Variants in NCOA3 observed in about 807,000 individuals in gnomAD.
The protein encoded by NCOA3 is CBP-interacting protein.
Under a neutral mutation model 158.8 loss-of-function variants are expected in NCOA3, and 51 were observed. That is an observed-to-expected ratio of 0.32 (90% CI 0.26 to 0.41). The LOEUF (loss-of-function observed/expected upper bound fraction) is 0.41. Among genes scored for constraint, NCOA3 ranks in the 10% least tolerant of loss-of-function variants. NCOA3 has a pLI of 1.00. For missense variants in NCOA3, 1,510 were observed against 1,746.6 expected, an observed-to-expected ratio of 0.86 and a Z score of 2.41; for synonymous variants, 537 against 592.4, an observed-to-expected ratio of 0.91 and a Z score of 1.36.
intron 2 of NCOA3, among the ~76,000 whole-genome samples, chr20:47,601,111 GAT>G (rs2085854853): frequency 6.6e-6 from 1 of 152,206 alleles, no homozygotes; most frequent in Admixed American, 6.5e-5. Flanking sequence ...GGAAGTCTGA[GAT>G]CTGGTCAGCT....
rs1237199236 is a variant in NCOA3, at chr20:47,525,734, C to T, written c.-99+23715C>T. ...GGGGCTGACCCCCCCACCTCCATCC[C>T]GGAGGGGGCGGCTGGCCGGGCGGGG... On this transcript the variant is annotated intron_variant, in intron 1 of 22. Transcript: ENST00000371998. 4.9e-5 allele frequency among the ~76,000 whole-genome samples: 6 copies of T among 122,790 alleles called. No homozygotes were observed. In the South Asian group the frequency reaches 1.0e-3, roughly 21 times the overall value. 80.6% of individuals were successfully genotyped at this position (122,790 alleles called of 152,430 possible). A position where few individuals can be genotyped will look rare whatever the true frequency, so the allele number is the denominator to read the frequency against.
At chr20:47,608,297 C>A (rs1268113346) in intron 2 of NCOA3, among the ~76,000 whole-genome samples, 2 of 151,670 alleles carry the variant, frequency 1.3e-5, no homozygotes, top group Non-Finnish European at 2.9e-5. Flanking sequence ...GCCTGGGTGA[C>A]AAGAGCAAAA....
In NCOA3 at chr20:47,651,015, C is replaced by T. The variant is rs368683409; in HGVS notation, c.3685C>T (p.Arg1229Cys). 61 of 1,614,004 alleles carry T rather than the reference C, an allele frequency of 3.8e-5. No homozygotes were observed. The highest frequency in any genetic ancestry group is 6.7e-5 in the Admixed American group (4 of 59,994). ...GFLNAQMVAQ[R>C]SRELLSHHFR... is the part of the protein sequence containing the mutation. ...TCTTAATGCTCAAATGGTCGCCCAA[C>T]GCAGCAGAGAGCTGCTAAGTCATCA... is the stretch of plus-strand genomic sequence containing the variant. Residue 1229 changes from arginine to cysteine, a missense_variant, in exon 20 of 23, where the codon CGC (arginine) becomes TGC (cysteine). Around this residue, in one of 4 missense-constraint regions of NCOA3, gnomAD observed 1,017 missense variants for 1,098.3 expected, o/e 0.93. Coordinates refer to ENST00000371998, the MANE Select transcript of NCOA3 (RefSeq NM_181659.3).
chr20:47,643,602 C>T (rs1396429207), intron 17 of NCOA3, among the ~76,000 whole-genome samples: 1 of 152,180 alleles, frequency 6.6e-6, no homozygotes, highest in Admixed American at 6.5e-5. Context: ...ATAATTGTCA[C>T]TATTCCCCTG....
At position 47,653,710 on chromosome 20, in the gene NCOA3, G is replaced by C; in HGVS notation, c.*293G>C. Reference sequence around the variant, plus strand: ...AATTCTGGAGACATGGAGTGTTACTGATCATAAAACTTTTGTGTCACTTTT... The same window carrying C: ...AATTCTGGAGACATGGAGTGTTACTCATCATAAAACTTTTGTGTCACTTTT... On this transcript the variant is annotated 3_prime_UTR_variant, in exon 23 of 23. Coordinates refer to ENST00000371998, the MANE Select transcript of NCOA3 (RefSeq NM_181659.3). The C allele has an allele frequency of 2.4e-6, 1 of 410,118 alleles. No individual in the cohort carries two copies. Among genetic ancestry groups the C allele is most frequent in the East Asian group, 3.6e-5 (1 of 28,044 alleles). The allele number at this position is 410,118 out of a possible 1,614,324, so 25.4% of individuals were successfully genotyped here.
intron 6 of NCOA3, 102 bp from the exon 7 acceptor site, chr20:47,627,459 T>C (rs1473702678): frequency 2.2e-6 from 2 of 908,536 alleles, no homozygotes; most frequent in East Asian, 4.9e-5. Context: ...GATATAACTA[T>C]GGAAAACATG....
At chr20:47,544,172 C>G (rs1004102860) in intron 1 of NCOA3, among the ~76,000 whole-genome samples, 1 of 151,114 alleles carries the variant, frequency 6.6e-6, no homozygotes, top group Non-Finnish European at 1.5e-5. Flanking sequence ...GTGTTTTTTT[C>G]TGTTCCAGGA....
chr20:47,509,078 T>G (rs2084073931), intron 1 of NCOA3, among the ~76,000 whole-genome samples: 1 of 152,200 alleles, frequency 6.6e-6, no homozygotes, highest in African/African-American at 2.4e-5. Flanking sequence ...CGTGTGAAGT[T>G]AGATGCAGCT....
intron 1 of NCOA3, among the ~76,000 whole-genome samples, chr20:47,520,059 GC>G (rs1033402885): frequency 1.3e-5 from 1 of 79,620 alleles, no homozygotes; most frequent in Non-Finnish European, 2.2e-5. Context: ...ACTGTGCCTG[GC>G]CAAAAAAAAA....
At chr20:47,618,403 G>A (rs780594288) in intron 2 of NCOA3, among the ~76,000 whole-genome samples, 2 of 141,022 alleles carry the variant, frequency 1.4e-5, no homozygotes, top group Non-Finnish European at 3.0e-5. Context: ...GCCTAGGCTG[G>A]AGTGCCAATG....
At chr20:47,646,596 C>T (rs750784053) in intron 17 of NCOA3, among the ~76,000 whole-genome samples, 8 of 152,068 alleles carry the variant, frequency 5.3e-5, no homozygotes, top group Non-Finnish European at 1.2e-4. Flanking sequence ...GATGAGAGCA[C>T]CTAAGTAGAA....
At chr20:47,594,847 A>C (rs1343848285) in intron 2 of NCOA3, among the ~76,000 whole-genome samples, 2 of 134,036 alleles carry the variant, frequency 1.5e-5, no homozygotes, top group Non-Finnish European at 3.0e-5. Flanking sequence ...TCTGGAGCGC[A>C]GTACCGCGAT....
At chr20:47,620,752 C>T (rs1393002794) in intron 2 of NCOA3, among the ~76,000 whole-genome samples, 1 of 152,174 alleles carries the variant, frequency 6.6e-6, no homozygotes, top group Non-Finnish European at 1.5e-5. Context: ...TTAATATTGA[C>T]AACATACTTT....
intron 1 of NCOA3, among the ~76,000 whole-genome samples, chr20:47,564,618 A>G (rs185973943): frequency 3.3e-5 from 5 of 151,740 alleles, no homozygotes; most frequent in South Asian, 2.1e-4. Context: ...TAAAACCCCA[A>G]TTGGTATCTA....
intron 1 of NCOA3, among the ~76,000 whole-genome samples, chr20:47,503,480 A>G (rs560190524): frequency 4.6e-5 from 7 of 152,304 alleles, no homozygotes; most frequent in African/African-American, 1.7e-4. Flanking sequence ...CTCAGAGGCA[A>G]AGACTGTTAC....
intron 1 of NCOA3, among the ~76,000 whole-genome samples, chr20:47,554,167 T>C (rs2084966195): frequency 6.6e-6 from 1 of 152,238 alleles, no homozygotes; most frequent in East Asian, 1.9e-4. Flanking sequence ...GAGCATTTTT[T>C]CATGTGTTTT....
intron 17 of NCOA3, among the ~76,000 whole-genome samples, chr20:47,645,938 T>G (rs186627981): frequency 6.6e-6 from 1 of 152,244 alleles, no homozygotes; most frequent in Non-Finnish European, 1.5e-5. Flanking sequence ...CAGGACTTGG[T>G]GGTCACACGT....
intron 2 of NCOA3, among the ~76,000 whole-genome samples, chr20:47,599,986 C>G (rs886316594): frequency 6.6e-6 from 1 of 151,780 alleles, no homozygotes; most frequent in Non-Finnish European, 1.5e-5. Flanking sequence ...AAAAATTCAC[C>G]AAAAAATTCA....
At chr20:47,522,915 G>T (rs1311004019) in intron 1 of NCOA3, among the ~76,000 whole-genome samples, 5 of 151,684 alleles carry the variant, frequency 3.3e-5, no homozygotes, top group Admixed American at 3.3e-4. Context: ...AACGAGCCCG[G>T]CGCGGTGGCT....
Sources: allele counts gnomAD v4.1 joint callset (sites outside exome capture counted in the v4.1 genomes callset), GRCh38; gene constraint gnomAD v4.1.1; regional missense constraint gnomAD v4.1.1; transcripts MANE v1.5; gene names NCBI Gene and HGNC (gene_info 2026-07-23, HGNC 2026-07-21).